Variants in MMS22L observed in about 807,000 individuals in gnomAD.
The protein encoded by MMS22L is MMS22 like, DNA repair protein.
MMS22L carries 74 observed loss-of-function variants against 159.1 expected under a neutral mutation model. The ratio of observed to expected loss-of-function variants is 0.47; its 90% CI spans 0.39 to 0.56. MMS22L has a LOEUF of 0.56. Ranked by LOEUF, MMS22L falls within the 20% of genes least tolerant of loss-of-function variation. The pLI, the probability that MMS22L is intolerant of heterozygous loss-of-function variation, is 0.00. For synonymous variants in MMS22L, 517 were observed against 506.9 expected (o/e 1.02, Z -0.27); for missense variants, 1,351 against 1,422.1 (o/e 0.95, Z 0.80).
chr6:97,246,255 A>T (rs2128040384), intron 11 of MMS22L: 1 of 418,868 alleles, frequency 2.4e-6, no homozygotes, highest in African/African-American at 2.1e-5. Context: ...ATTGCTCAGC[A>T]AGGCAAGTCA....
intron 22 of MMS22L, among the ~76,000 whole-genome samples, chr6:97,155,836 T>C (rs532845865): frequency 6.6e-6 from 1 of 152,354 alleles, no homozygotes; most frequent in South Asian, 2.1e-4. Flanking sequence ...TATAATCCTT[T>C]GGGTATATAC....
chr6:97,270,106 C>A, intron 6 of MMS22L, 114 bp from the exon 7 acceptor site: 1 of 766,256 alleles, frequency 1.3e-6, no homozygotes, highest in Non-Finnish European at 2.2e-6. Context: ...AATTAACCTA[C>A]CACTATTCAA....
intron 4 of MMS22L, among the ~76,000 whole-genome samples, chr6:97,273,820 T>C (rs1459814340): frequency 3.3e-5 from 5 of 152,264 alleles, no homozygotes; most frequent in South Asian, 2.1e-4. Context: ...ACCACCACAA[T>C]AGCACTCTTC....
At chr6:97,161,133 G>T (rs928535593) in intron 22 of MMS22L, among the ~76,000 whole-genome samples, 1 of 151,886 alleles carries the variant, frequency 6.6e-6, no homozygotes, top group South Asian at 2.1e-4. Flanking sequence ...TGCATGTCCT[G>T]TAATTTTTTG....
intron 14 of MMS22L, among the ~76,000 whole-genome samples, chr6:97,190,442 C>T: frequency 6.6e-6 from 1 of 152,074 alleles, no homozygotes; most frequent in East Asian, 1.9e-4. Context: ...TTTGGAAATA[C>T]AAGATCAGAT....
intron 19 of MMS22L, among the ~76,000 whole-genome samples, 160 bp from the exon 20 acceptor site, chr6:97,168,400 T>C (rs1302148630): frequency 6.6e-6 from 1 of 152,142 alleles, no homozygotes; most frequent in East Asian, 1.9e-4. Flanking sequence ...TGTCAATTCA[T>C]ATATTTCACT....
chr6:97,246,935 T>A (rs1474068166), intron 10 of MMS22L, among the ~76,000 whole-genome samples: 1 of 151,120 alleles, frequency 6.6e-6, no homozygotes, highest in Non-Finnish European at 1.5e-5. Flanking sequence ...AGTAAGATTA[T>A]AAATATTCTA....
chr6:97,188,857 G>T (rs956589029), intron 14 of MMS22L, among the ~76,000 whole-genome samples: 2 of 152,084 alleles, frequency 1.3e-5, no homozygotes, highest in African/African-American at 4.8e-5. Flanking sequence ...AGCAACTCAG[G>T]AGGCTGAGGT....
intron 15 of MMS22L, among the ~76,000 whole-genome samples, chr6:97,185,108 A>T (rs531343943): frequency 2.0e-5 from 3 of 151,984 alleles, no homozygotes; most frequent in East Asian, 1.9e-4. Flanking sequence ...GGCCTTCCTG[A>T]CCACTCTATT....
intron 14 of MMS22L, among the ~76,000 whole-genome samples, chr6:97,226,952 G>A (rs895548347): frequency 6.6e-6 from 1 of 152,020 alleles, no homozygotes; most frequent in African/African-American, 2.4e-5. Context: ...TTCCCTGGGG[G>A]ACAACTCACT....
chr6:97,221,556 GAT>G (rs1351065049), intron 14 of MMS22L, among the ~76,000 whole-genome samples: 6 of 22,434 alleles, frequency 2.7e-4, no homozygotes, highest in African/African-American at 5.7e-4. Flanking sequence ...TCAGCTGAAA[GAT>G]ATAAAAAATA....
intron 9 of MMS22L, chr6:97,259,404 G>T (rs2128067849): frequency 1.3e-5 from 2 of 152,280 alleles, no homozygotes; most frequent in East Asian, 3.9e-4. Flanking sequence ...GTAAAGAGAT[G>T]GCCCTCTCTA....
intron 14 of MMS22L, among the ~76,000 whole-genome samples, chr6:97,220,055 C>A (rs1809464749): frequency 6.6e-6 from 1 of 152,178 alleles, no homozygotes; most frequent in Admixed American, 6.5e-5. Context: ...AGCAGTGACT[C>A]TCACATGACA....
intron 19 of MMS22L, among the ~76,000 whole-genome samples, chr6:97,168,629 T>C (rs973313327): frequency 6.6e-6 from 1 of 152,102 alleles, no homozygotes; most frequent in African/African-American, 2.4e-5. Context: ...GGTGCTCAAC[T>C]GGTTAAGTAT....
At chr6:97,265,059 G>C (rs1308194369) in intron 8 of MMS22L, 1 of 152,026 alleles carries the variant, frequency 6.6e-6, no homozygotes, top group Non-Finnish European at 1.5e-5. Context: ...AAAATTGGTA[G>C]GAAATCACAA....
intron 22 of MMS22L, among the ~76,000 whole-genome samples, chr6:97,156,241 G>A (rs1357031504): frequency 1.3e-5 from 2 of 151,844 alleles, no homozygotes; most frequent in African/African-American, 4.8e-5. Context: ...TTTGCCAGAT[G>A]GATTGCAAAA....
Position 97,282,451 on chromosome 6 carries a change from C to A in MMS22L, c.27G>T (p.Thr9=), listed in dbSNP as rs752274382. ...CCAGCTCTAAGCTGTCAGTCAGGAACGTCGATGCAGCAGAACAGTTCTCCA... is the reference window on the plus strand; with the variant it reads ...CCAGCTCTAAGCTGTCAGTCAGGAAAGTCGATGCAGCAGAACAGTTCTCCA... MENCSAAS[T]FLTDSLELEL... Residue 9 remains threonine (T), a synonymous_variant, in exon 2 of 25, where the codon ACG becomes ACT. Coordinates refer to ENST00000683635, the MANE Select transcript of MMS22L (RefSeq NM_001350599.2). The A allele has an allele frequency of 1.4e-5, 22 of 1,613,218 alleles. 2 individuals are homozygous for A. Among genetic ancestry groups the A allele is most frequent in the Non-Finnish European group, 1.4e-5 (16 of 1,179,924 alleles).
Position 97,254,720 on chromosome 6 carries a change from C to G in MMS22L, c.956G>C (p.Trp319Ser), listed in dbSNP as rs771626741. ...CAGTGTTTTAAGTAGTTTATTCAAC[C>G]AGTTCCAAAATGACTATAGAAACAG... ...KWFVSESFWN[W>S]LNKLLKTLLE... Residue 319 changes from tryptophan to serine, a missense_variant, in exon 10 of 25, where the codon TGG becomes TCG. By Grantham distance (177) the Trp-to-Ser change is radical. Coordinates refer to ENST00000683635, the MANE Select transcript of MMS22L (RefSeq NM_001350599.2). The G allele has an allele frequency of 2.5e-6, 4 of 1,600,724 alleles. No individual in the cohort carries two copies. The highest frequency in any genetic ancestry group is 3.4e-6 in the Non-Finnish European group (4 of 1,175,612).
chr6:97,171,741 T>A (rs1329421906), intron 19 of MMS22L, among the ~76,000 whole-genome samples: 1 of 152,100 alleles, frequency 6.6e-6, no homozygotes, highest in African/African-American at 2.4e-5. Flanking sequence ...GTAAATAGAG[T>A]ACAGTGTTTC....
Sources: allele counts gnomAD v4.1 joint callset (sites outside exome capture counted in the v4.1 genomes callset), GRCh38; gene constraint gnomAD v4.1.1; transcripts MANE v1.5; gene names NCBI Gene and HGNC (gene_info 2026-07-23, HGNC 2026-07-21).